CDKAL1: variants seen among roughly 807,000 people sequenced by gnomAD.
CDKAL1 encodes the protein CDKAL1 threonylcarbamoyladenosine tRNA methylthiotransferase, also known as threonylcarbamoyladenosine tRNA methylthiotransferase.
In CDKAL1, 32 loss-of-function variants were observed where a neutral mutation model predicts 68.2. The observed-to-expected ratio is 0.47, with a 90% CI of 0.35 to 0.63. The LOEUF (loss-of-function observed/expected upper bound fraction) is 0.63, where lower values mean the gene tolerates loss of function less well. Ranked by LOEUF, CDKAL1 falls within the 30% of genes least tolerant of loss-of-function variation. The pLI, the probability that CDKAL1 is intolerant of heterozygous loss-of-function variation, is 0.00. For synonymous variants in CDKAL1, 234 were observed against 244.3 expected, an observed-to-expected ratio of 0.96 and a Z score of 0.39; for missense variants, 606 against 696.7, an observed-to-expected ratio of 0.87 and a Z score of 1.47.
intron 9 of CDKAL1, among the ~76,000 whole-genome samples, chr6:20,909,669 A>T (rs1762381067): frequency 1.3e-5 from 2 of 152,206 alleles, no homozygotes; most frequent in South Asian, 4.1e-4. Flanking sequence ...CCCACAAACT[A>T]GGCACAGTTC....
chr6:21,142,410 A>T (rs111757842), intron 13 of CDKAL1, among the ~76,000 whole-genome samples: 55 of 152,200 alleles, frequency 3.6e-4, no homozygotes, highest in African/African-American at 1.3e-3. Context: ...TTACCCAAAC[A>T]GTAGAGTTTA....
chr6:20,894,278 G>T (rs571044053), intron 9 of CDKAL1, among the ~76,000 whole-genome samples: 1 of 151,642 alleles, frequency 6.6e-6, no homozygotes, highest in Non-Finnish European at 1.5e-5. Context: ...TATATTCAAT[G>T]AAAATTATTT....
intron 13 of CDKAL1, among the ~76,000 whole-genome samples, chr6:21,141,123 T>C (rs571827356): frequency 1.3e-5 from 2 of 152,148 alleles, no homozygotes; most frequent in Non-Finnish European, 2.9e-5. Flanking sequence ...AGCCAAACCA[T>C]ATCACTACAC....
In CDKAL1 at chr6:20,579,364, A is replaced by G. The variant is rs185362042; in HGVS notation, c.286+30659A>G. Among the ~76,000 whole-genome samples the G allele has an allele frequency of 7.0e-3, 1,073 of 152,288 alleles. 6 individuals carry two copies. Among genetic ancestry groups the G allele is most frequent in the Non-Finnish European group, 0.012 (825 of 68,014 alleles). On this transcript the variant is annotated intron_variant, in intron 4 of 15. Coordinates refer to ENST00000274695, the MANE Select transcript of CDKAL1 (RefSeq NM_017774.3). The stretch of plus-strand genomic sequence containing the variant: ...ACAATACGGATGCCTGAAAAAAAGC[A>G]TATGTAAATTGTGCTTAGCCTCTCA...
chr6:20,655,651 C>T (rs1003216359), intron 5 of CDKAL1, among the ~76,000 whole-genome samples: 1 of 152,120 alleles, frequency 6.6e-6, no homozygotes, highest in Admixed American at 6.6e-5. Flanking sequence ...TAAACTAATG[C>T]TTGGTGACCT....
intron 7 of CDKAL1, among the ~76,000 whole-genome samples, chr6:20,780,381 T>G (rs2150374457): frequency 6.6e-6 from 1 of 152,250 alleles, no homozygotes; most frequent in South Asian, 2.1e-4. Context: ...AAGTATAATT[T>G]TATCTCAGCT....
chr6:20,819,351 AT>A (rs1777179898), intron 8 of CDKAL1, among the ~76,000 whole-genome samples: 1 of 152,086 alleles, frequency 6.6e-6, no homozygotes, highest in East Asian at 1.9e-4. Flanking sequence ...ATTAGAGTGT[AT>A]TTTTTGAGAA....
intron 8 of CDKAL1, among the ~76,000 whole-genome samples, chr6:20,823,445 T>C (rs1256422434): frequency 6.6e-5 from 10 of 152,204 alleles, no homozygotes; most frequent in Non-Finnish European, 1.3e-4. Context: ...TATTTGCTAA[T>C]CTAAATAATA....
intron 9 of CDKAL1, among the ~76,000 whole-genome samples, chr6:20,901,501 T>C (rs6922768): frequency 0.031 from 4,730 of 151,034 alleles, 226 homozygotes; most frequent in African/African-American, 0.1. Context: ...GGTGAAACCC[T>C]GTCTCTACTA....
intron 10 of CDKAL1, among the ~76,000 whole-genome samples, chr6:20,994,356 G>A (rs1766994691): frequency 6.6e-6 from 1 of 152,160 alleles, no homozygotes; most frequent in Non-Finnish European, 1.5e-5. Context: ...GCAGGCACCT[G>A]TAATCCCAGC....
intron 12 of CDKAL1, among the ~76,000 whole-genome samples, chr6:21,104,597 G>C (rs1773755555): frequency 6.6e-6 from 1 of 152,022 alleles, no homozygotes; most frequent in African/African-American, 2.4e-5. Flanking sequence ...GATTCCAGAA[G>C]ATACTCCACT....
intron 9 of CDKAL1, among the ~76,000 whole-genome samples, chr6:20,932,009 C>T (rs1236398091): frequency 2.6e-5 from 4 of 152,202 alleles, no homozygotes; most frequent in African/African-American, 9.7e-5. Flanking sequence ...GCCTTTGTAT[C>T]ATATGCTTAT....
intron 11 of CDKAL1, among the ~76,000 whole-genome samples, chr6:21,020,756 C>T (rs186086305): frequency 1.9e-4 from 29 of 150,398 alleles, no homozygotes; most frequent in African/African-American, 5.9e-4. Flanking sequence ...CGTGAGCCAC[C>T]GTGCCTGGCC....
chr6:21,122,837 G>T (rs1774797045), intron 13 of CDKAL1, among the ~76,000 whole-genome samples: 1 of 145,448 alleles, frequency 6.9e-6, no homozygotes, highest in Non-Finnish European at 1.5e-5. Flanking sequence ...TAGGGGGAGG[G>T]TCTCACTATG....
At chr6:21,033,685 A>G (rs542171935) in intron 11 of CDKAL1, among the ~76,000 whole-genome samples, 313 of 152,290 alleles carry the variant, frequency 2.1e-3, no homozygotes, top group African/African-American at 7.1e-3. Context: ...GCTGGCTACA[A>G]TCACTGCTGT....
chr6:21,062,414 A>G (rs73735618), intron 11 of CDKAL1, among the ~76,000 whole-genome samples: 6,388 of 152,298 alleles, frequency 0.042, 417 homozygotes, highest in African/African-American at 0.14. Flanking sequence ...GTCTACAAAA[A>G]TGGTCTTTTT....
At chr6:20,875,242 TGAG>T (rs1308676269) in intron 9 of CDKAL1, among the ~76,000 whole-genome samples, 1 of 134,002 alleles carries the variant, frequency 7.5e-6, no homozygotes, top group Non-Finnish European at 1.5e-5. Context: ...GAGCTTGCAG[TGAG>T]CCGAGATTGC....
chr6:20,833,644 T>C (rs1777811638), intron 8 of CDKAL1, among the ~76,000 whole-genome samples: 1 of 152,144 alleles, frequency 6.6e-6, no homozygotes, highest in African/African-American at 2.4e-5. Flanking sequence ...AGGAAAATAA[T>C]AGAAAACAAC....
chr6:20,864,603 A>G (rs995338087), intron 9 of CDKAL1, among the ~76,000 whole-genome samples: 1 of 152,188 alleles, frequency 6.6e-6, no homozygotes, highest in African/African-American at 2.4e-5. Flanking sequence ...AAAATATAAA[A>G]TTGCTAAAAA....
Sources: allele counts gnomAD v4.1 joint callset (sites outside exome capture counted in the v4.1 genomes callset), GRCh38; gene constraint gnomAD v4.1.1; transcripts MANE v1.5; gene names NCBI Gene and HGNC (gene_info 2026-07-23, HGNC 2026-07-21).